The following ELMO1 variants were observed in gnomAD, a reference collection of about 807,000 sequenced individuals.
ELMO1 encodes the protein engulfment and cell motility protein 1.
In ELMO1, 26 loss-of-function variants were observed where a neutral mutation model predicts 98.9. The observed-to-expected ratio is 0.26, with a 90% CI of 0.19 to 0.36. The LOEUF is 0.36. Among genes scored for constraint, ELMO1 ranks in the 10% least tolerant of loss-of-function variants. ELMO1 has a pLI of 1.00. For synonymous variants in ELMO1, 346 were observed against 346.0 expected, an observed-to-expected ratio of 1.00 and a Z score of 0.00; for missense variants, 627 against 935.2, an observed-to-expected ratio of 0.67 and a Z score of 4.30.
At chr7:37,243,370 T>C (rs1381249704) in intron 7 of ELMO1, among the ~76,000 whole-genome samples, 1 of 152,158 alleles carries the variant, frequency 6.6e-6, no homozygotes, top group African/African-American at 2.4e-5. Flanking sequence ...AATGTAAGTG[T>C]GGATTTGGAG....
At chr7:37,404,513 T>C (rs1169495993) in intron 1 of ELMO1, among the ~76,000 whole-genome samples, 1 of 152,200 alleles carries the variant, frequency 6.6e-6, no homozygotes, top group Non-Finnish European at 1.5e-5. Flanking sequence ...TAGATGCTTC[T>C]CCATGTTAAC....
chr7:37,095,518 T>C (rs1408152033), intron 15 of ELMO1, among the ~76,000 whole-genome samples: 1 of 152,240 alleles, frequency 6.6e-6, no homozygotes, highest in Non-Finnish European at 1.5e-5. Flanking sequence ...ACTGTTCTAA[T>C]GCAAAAATGC....
chr7:36,936,720 T>C (rs1786565325), intron 16 of ELMO1, among the ~76,000 whole-genome samples: 1 of 152,172 alleles, frequency 6.6e-6, no homozygotes, highest in African/African-American at 2.4e-5. Flanking sequence ...TCCGAAAGTG[T>C]TGAGATTATA....
At chr7:37,001,538 T>C in intron 16 of ELMO1, among the ~76,000 whole-genome samples, 1 of 152,312 alleles carries the variant, frequency 6.6e-6, no homozygotes, top group South Asian at 2.1e-4. Flanking sequence ...GCTATAGAAC[T>C]AGAAGATATT....
chr7:36,985,549 C>T (rs1240217451), intron 16 of ELMO1, among the ~76,000 whole-genome samples: 1 of 152,082 alleles, frequency 6.6e-6, no homozygotes, highest in African/African-American at 2.4e-5. Context: ...CTCCGGGCTC[C>T]GTGCCTGCAC....
At chr7:36,902,942 C>T (rs1165558778) in intron 16 of ELMO1, among the ~76,000 whole-genome samples, 1 of 152,216 alleles carries the variant, frequency 6.6e-6, no homozygotes, top group Non-Finnish European at 1.5e-5. Flanking sequence ...CTTCTGACTT[C>T]AACTGTGCCC....
intron 16 of ELMO1, among the ~76,000 whole-genome samples, chr7:36,927,398 C>T (rs1252626292): frequency 6.6e-6 from 1 of 152,216 alleles, no homozygotes; most frequent in Non-Finnish European, 1.5e-5. Context: ...CGACAGAACA[C>T]TTTTACGTGT....
chr7:36,965,834 T>C (rs1213392026), intron 16 of ELMO1, among the ~76,000 whole-genome samples: 1 of 152,204 alleles, frequency 6.6e-6, no homozygotes, highest in East Asian at 1.9e-4. Flanking sequence ...CATCCGCCTG[T>C]ATGATGTCAT....
Position 37,279,437 on chromosome 7 carries a change from G to A in ELMO1, c.193-7555C>T, listed in dbSNP as rs180786053. On this transcript the variant is annotated intron_variant, in intron 4 of 21. Coordinates refer to ENST00000310758, the MANE Select transcript of ELMO1 (RefSeq NM_014800.11). ...ACTGCAAGGACAAACCAGTAATCCC[G>A]AGAGGACCCACAGACCCTCTGAAGG... 3.5e-3 allele frequency among the ~76,000 whole-genome samples: 527 copies of A among 152,244 alleles called. 2 individuals carry two copies. The highest frequency in any genetic ancestry group is 0.012 in the African/African-American group (510 of 41,536).
At chr7:36,987,629 T>C (rs2129149160) in intron 16 of ELMO1, among the ~76,000 whole-genome samples, 1 of 152,220 alleles carries the variant, frequency 6.6e-6, no homozygotes, top group East Asian at 1.9e-4. Context: ...TGTGTGTTTC[T>C]GATTCTTGAA....
At chr7:37,288,612 AGT>A in intron 4 of ELMO1, among the ~76,000 whole-genome samples, 1 of 152,342 alleles carries the variant, frequency 6.6e-6, no homozygotes, top group East Asian at 1.9e-4. Flanking sequence ...GGCCTTGCAG[AGT>A]GAGGCTGATT....
chr7:36,908,731 G>C (rs138259650), intron 16 of ELMO1, among the ~76,000 whole-genome samples: 1 of 152,128 alleles, frequency 6.6e-6, no homozygotes, highest in African/African-American at 2.4e-5. Context: ...ATCTCATCTT[G>C]AATTAGAAAA....
At position 37,426,225 on chromosome 7, in the gene ELMO1, G is replaced by A. The variant is rs1432206520; in HGVS notation, c.-74+22450C>T. ...CTGGAGTACAGTGGCACAATCTTGG[G>A]TCACTGCAACCTCTGCTTCCTGGGC... is the stretch of plus-strand genomic sequence containing the variant. On this transcript the variant is annotated intron_variant, in intron 1 of 21. Coordinates refer to ENST00000310758, the MANE Select transcript of ELMO1 (RefSeq NM_014800.11). Among the ~76,000 whole-genome samples, 4 of 143,864 alleles carry A rather than the reference G, an allele frequency of 2.8e-5. No individual in the cohort carries two copies. In the East Asian group the frequency reaches 8.1e-4, roughly 29 times the overall value. The allele number at this position is 143,864 out of a possible 152,430, so 94.4% of individuals were successfully genotyped here.
At chr7:36,989,904 C>G (rs745337800) in intron 16 of ELMO1, among the ~76,000 whole-genome samples, 3 of 152,090 alleles carry the variant, frequency 2.0e-5, no homozygotes, top group Admixed American at 1.3e-4. Context: ...TAATTTTTAT[C>G]CTGAAAAACT....
rs147721881 is a variant in ELMO1, at chr7:37,349,656, G to A, written c.-73-6893C>T. ...TTTAGTAGAGATGGGGTTTCACCAT[G>A]TTGGCCAGGCTGGTCTCGAACTCCT... On this transcript the variant is annotated intron_variant, in intron 1 of 21. Coordinates refer to ENST00000310758, the MANE Select transcript of ELMO1 (RefSeq NM_014800.11). Among the ~76,000 whole-genome samples, 898 of 152,222 alleles carry A rather than the reference G, an allele frequency of 5.9e-3. 15 individuals are homozygous for A. Among genetic ancestry groups the A allele is most frequent in the African/African-American group, 0.021 (866 of 41,518 alleles).
chr7:37,313,742 T>C (rs1562604903), intron 4 of ELMO1, among the ~76,000 whole-genome samples: 1 of 152,142 alleles, frequency 6.6e-6, no homozygotes, highest in Non-Finnish European at 1.5e-5. Flanking sequence ...GAACCCTTGT[T>C]ACTGCCTCCA....
At chr7:37,088,044 C>T (rs1310070547) in intron 15 of ELMO1, among the ~76,000 whole-genome samples, 1 of 152,176 alleles carries the variant, frequency 6.6e-6, no homozygotes, top group Admixed American at 6.5e-5. Flanking sequence ...TTCAACAGGT[C>T]TGTATCTCTC....
rs181599869 is a variant in ELMO1 at position 37,017,524 on chromosome 7, C to T, written c.1301-4089G>A. Among the ~76,000 whole-genome samples, 89 of 152,256 alleles carry T rather than the reference C, an allele frequency of 5.8e-4. 1 individual carries two copies. Among genetic ancestry groups the T allele is most frequent in the African/African-American group, 1.8e-3 (76 of 41,526 alleles). On this transcript the variant is annotated intron_variant, in intron 15 of 21. Transcript: ENST00000310758. ...AAGTGAAAACTGCTGGGCACTGTTC[C>T]CAGGAAAGACCTTTAAAAGGGGAAA...
At chr7:37,168,352 C>T (rs562518699) in intron 13 of ELMO1, among the ~76,000 whole-genome samples, 106 of 152,346 alleles carry the variant, frequency 7.0e-4, no homozygotes, top group South Asian at 1.9e-3. Flanking sequence ...AGTCATTCTC[C>T]GTCCAGCTTT....
Sources: gnomAD v4.1 joint callset for allele counts (sites outside exome capture counted in the v4.1 genomes callset) on GRCh38, gnomAD v4.1.1 for gene constraint, MANE v1.5 for transcripts, NCBI Gene and HGNC (gene_info 2026-07-23, HGNC 2026-07-21) for gene names.